The following ZNF273 variants were observed in gnomAD, a reference collection of about 807,000 sequenced individuals.
The protein encoded by ZNF273 is zinc finger protein 9.
Under a neutral mutation model 14.9 loss-of-function variants are expected in ZNF273, and 11 were observed. That is an observed-to-expected ratio of 0.74 (90% CI 0.46 to 1.22). The LOEUF is 1.22. Ranked by LOEUF, ZNF273 falls within the 50% of genes most tolerant of loss-of-function variation. The pLI, the probability that ZNF273 is intolerant of heterozygous loss-of-function variation, is 0.00. For missense variants in ZNF273, 577 were observed against 660.6 expected (o/e 0.87, Z 1.39); for synonymous variants, 199 against 223.9 (o/e 0.89, Z 0.99).
At chr7:64,934,173 G>A (rs1250233640), downstream of ZNF273, among the ~76,000 whole-genome samples, 2 of 151,768 alleles carry the variant, frequency 1.3e-5, no homozygotes, top group Admixed American at 6.6e-5. Flanking sequence ...GGAACTACAG[G>A]CATGAGCCTG....
chr7:64,903,090 C>T (rs1281029873), upstream of ZNF273, among the ~76,000 whole-genome samples: 8 of 152,166 alleles, frequency 5.3e-5, no homozygotes, highest in African/African-American at 1.4e-4. Context: ...GACTGAAAAG[C>T]CTGCAGTTTA....
At chr7:64,923,987 TTA>T (rs1303113580) in intron 3 of ZNF273, 3 of 151,048 alleles carry the variant, frequency 2.0e-5, no homozygotes, top group African/African-American at 7.3e-5. Context: ...GTTGCTGTTT[TTA>T]TGTCTTCAAA....
downstream of ZNF273, chr7:64,893,817 C>T (rs935464050): frequency 6.5e-6 from 1 of 153,828 alleles, no homozygotes; most frequent in Non-Finnish European, 1.4e-5. Flanking sequence ...CCCACCATCC[C>T]TAGGACAGTA....
At chr7:64,887,388 G>A (rs888030429) in intron 1 of ZNF273, among the ~76,000 whole-genome samples, 1 of 152,190 alleles carries the variant, frequency 6.6e-6, no homozygotes, top group African/African-American at 2.4e-5. Context: ...ATGTGGCCCT[G>A]CATGGCAGGC....
downstream of ZNF273, chr7:64,882,785 G>A (rs1381797788): frequency 1.3e-5 from 2 of 152,320 alleles, no homozygotes; most frequent in Non-Finnish European, 2.9e-5. Flanking sequence ...GACGGAGTGG[G>A]GTGAGTCTCC....
intron 1 of ZNF273, chr7:64,916,908 G>A (rs1172963124): frequency 2.5e-6 from 2 of 811,232 alleles, no homozygotes; most frequent in Non-Finnish European, 1.6e-6. Flanking sequence ...TCTTTATTAA[G>A]TATCTTTATG....
rs200384888 is a variant in ZNF273 at position 64,903,297 on chromosome 7, A to G, written c.-21A>G. 33 of 1,586,602 alleles carry G rather than the reference A, an allele frequency of 2.1e-5. No individual in the cohort carries two copies. Among genetic ancestry groups the G allele is most frequent in the Middle Eastern group, 1.7e-4 (1 of 5,982 alleles). On this transcript the variant is annotated 5_prime_UTR_variant, in exon 1 of 4. Coordinates refer to ENST00000476120, the MANE Select transcript of ZNF273 (RefSeq NM_021148.3). ...TGTCTCTCGCTGCAGTCGCAGCTCC[A>G]GGTCTCGTCTTCACTGCTCTATGTC...
At chr7:64,895,238 G>A (rs1182991655) in intron 3 of ZNF273, among the ~76,000 whole-genome samples, 1 of 152,158 alleles carries the variant, frequency 6.6e-6, no homozygotes, top group East Asian at 1.9e-4. Context: ...CAGTAAGTCT[G>A]GGGATAGTGA....
chr7:64,927,507 T>C (rs560917734), intron 3 of ZNF273, 147 bp from the exon 4 acceptor site: 24 of 651,414 alleles, frequency 3.7e-5, no homozygotes, highest in Non-Finnish European at 5.0e-5. Flanking sequence ...TTTTGTTACA[T>C]TGATATGTCT....
chr7:64,914,400 C>T (rs540767686), intron 1 of ZNF273, among the ~76,000 whole-genome samples: 2 of 149,362 alleles, frequency 1.3e-5, no homozygotes, highest in Non-Finnish European at 3.0e-5. Flanking sequence ...TTTCTTTTAC[C>T]TTGCCATTAA....
rs878881632 is a variant in ZNF273, at chr7:64,928,604, A to G, written c.1276A>G (p.Lys426Glu). ...TLTKHKRIYT[K>E]EKPYKCEECG... ...TACTAAACATAAGAGAATTTATACT[A>G]AAGAGAAACCATACAAATGTGAAGA... Residue 426 changes from lysine to glutamate, a missense_variant, in exon 4 of 4, where the codon AAA becomes GAA. Coordinates refer to ENST00000476120, the MANE Select transcript of ZNF273 (RefSeq NM_021148.3). 1.2e-6 allele frequency: 2 copies of G among 1,612,972 alleles called. No individual in the cohort carries two copies. Among genetic ancestry groups the G allele is most frequent in the Non-Finnish European group, 1.7e-6 (2 of 1,179,676 alleles).
downstream of ZNF273, among the ~76,000 whole-genome samples, chr7:64,934,946 G>C (rs1402604570): frequency 2.6e-5 from 4 of 151,852 alleles, no homozygotes; most frequent in Non-Finnish European, 4.4e-5. Flanking sequence ...CTATTTAATT[G>C]GTTTAGTATT....
At chr7:64,907,153 C>G (rs1793170812) in intron 1 of ZNF273, among the ~76,000 whole-genome samples, 1 of 152,018 alleles carries the variant, frequency 6.6e-6, no homozygotes, top group African/African-American at 2.4e-5. Context: ...ACCAGTTCAG[C>G]TGTTTTTTGT....
chr7:64,884,702 A>G (rs1228450534), downstream of ZNF273, among the ~76,000 whole-genome samples: 1 of 152,152 alleles, frequency 6.6e-6, no homozygotes, highest in Non-Finnish European at 1.5e-5. Context: ...ACAACTCACC[A>G]GACTGTATTC....
intron 1 of ZNF273, among the ~76,000 whole-genome samples, chr7:64,878,166 C>T (rs1791163982): frequency 6.6e-6 from 1 of 151,958 alleles, no homozygotes; most frequent in Non-Finnish European, 1.5e-5. Flanking sequence ...TCCGCTTGGG[C>T]TGCGGGGCGG....
chr7:64,881,793 AT>A (rs1371741396), downstream of ZNF273, among the ~76,000 whole-genome samples: 1 of 152,068 alleles, frequency 6.6e-6, no homozygotes, highest in Non-Finnish European at 1.5e-5. Context: ...TCTGGCAAGG[AT>A]CCGTGAGCTT....
At chr7:64,915,476 GGAAATAAAGGGATGGGTT>G (rs1166965024) in intron 1 of ZNF273, among the ~76,000 whole-genome samples, 2 of 152,288 alleles carry the variant, frequency 1.3e-5, no homozygotes, top group Non-Finnish European at 2.9e-5. Context: ...AGTTCTTATG[GGAAATAAAGGGATGGGTT>G]GAAATAAAGG....
chr7:64,894,855 C>T (rs1000521429), downstream of ZNF273, among the ~76,000 whole-genome samples: 4 of 151,944 alleles, frequency 2.6e-5, no homozygotes, highest in African/African-American at 9.7e-5. Context: ...TCGGGCCGGG[C>T]ACGGTGGCTC....
chr7:64,918,426 G>T lies in ZNF273; in HGVS notation c.325+134G>T, dbSNP rs1794166756. ...GTCTGTAATCCCAGCACTTTGGGAG[G>T]CCGAGGCGGGCGGATCACGAGGTCA... is the stretch of plus-strand genomic sequence containing the variant. On this transcript the variant is annotated intron_variant, in intron 3 of 3. Coordinates refer to ENST00000476120, the MANE Select transcript of ZNF273 (RefSeq NM_021148.3). The T allele has an allele frequency of 3.8e-6, 3 of 797,582 alleles. No homozygotes were observed. In the Admixed American group the frequency reaches 9.8e-5, roughly 26 times the overall value. 49.4% of individuals were successfully genotyped at this position (797,582 alleles called of 1,614,324 possible). A position where few individuals can be genotyped will look rare whatever the true frequency, so the allele number is the denominator to read the frequency against.
Sources: gnomAD v4.1 joint callset for allele counts (sites outside exome capture counted in the v4.1 genomes callset) on GRCh38, gnomAD v4.1.1 for gene constraint, MANE v1.5 for transcripts, NCBI Gene and HGNC (gene_info 2026-07-23, HGNC 2026-07-21) for gene names.